GEMIN8: variants seen among roughly 807,000 people sequenced by gnomAD.
GEMIN8 encodes gem nuclear organelle associated protein 8, also known as gem-associated protein 8.
For synonymous variants in GEMIN8, 80 were observed against 78.5 expected (o/e 1.02, Z -0.10); for missense variants, 185 against 205.9 (o/e 0.90, Z 0.62).
In GEMIN8 at chrX:14,021,814, G is replaced by GTATATATATATATATATA. The variant is rs147147045; in HGVS notation, c.-33-321_-33-304dup. Among the ~76,000 whole-genome samples, 104 of 78,224 alleles carry GTATATATATATATATATA rather than the reference G, an allele frequency of 1.3e-3. 2 individuals are homozygous for GTATATATATATATATATA. Among genetic ancestry groups the GTATATATATATATATATA allele is most frequent in the African/African-American group, 5.2e-3 (101 of 19,239 alleles). 67.9% of individuals were successfully genotyped at this position (78,224 alleles called of 115,157 possible). A position where few individuals can be genotyped will look rare whatever the true frequency, so the allele number is the denominator to read the frequency against. Reference sequence around the variant, plus strand: ...TAAATATTTAGTAGTTAATGTGTGTGTATATATATATATATATATATATAT... The same window carrying GTATATATATATATATATA: ...TAAATATTTAGTAGTTAATGTGTGTGTATATATATATATATATATATATATATATATATATATATATAT... On this transcript the variant is annotated intron_variant, in intron 2 of 4. Coordinates refer to ENST00000680255, the MANE Select transcript of GEMIN8 (RefSeq NM_001042479.2).
chrX:14,020,315 G>T lies in GEMIN8; in HGVS notation c.235C>A (p.His79Asn). Residue 79 changes from histidine (H) to asparagine (N), a missense_variant, in exon 4 of 5, where the codon CAT becomes AAT. Coordinates refer to ENST00000680255, the MANE Select transcript of GEMIN8 (RefSeq NM_001042479.2). ...EAAYPQSFYD[H>N]HVAWQDYPCS... ...GGGTAGTCCTGCCAGGCCACATGAT[G>T]GTCATAGAAGGACTGAGGATACGCA... 1 of 1,206,768 alleles carries T rather than the reference G, an allele frequency of 8.3e-7. No homozygotes were observed. Among genetic ancestry groups the T allele is most frequent in the Non-Finnish European group, 1.1e-6 (1 of 890,894 alleles).
At chrX:14,005,428 A>G (rs1163118207), downstream of GEMIN8, among the ~76,000 whole-genome samples, 1 of 112,012 alleles carries the variant, frequency 8.9e-6, no homozygotes. Context: ...TGGATTGCTG[A>G]ACATGTGGAG....
Position 14,009,043 on chromosome X carries a change from T to C in GEMIN8, c.599A>G (p.Glu200Gly). 5 of 1,211,937 alleles carry C rather than the reference T, an allele frequency of 4.1e-6. No individual in the cohort carries two copies. The highest frequency in any genetic ancestry group is 5.6e-6 in the Non-Finnish European group (5 of 895,458). ...ACTGTCCCCGTACAAACGCTTCATC[T>C]CGGCCTGGCGCCGCTCACCAGGCCT... is the stretch of plus-strand genomic sequence containing the variant. ...TERPGERRQA[E>G]MKRLYGDSAA... Residue 200 changes from glutamate to glycine, a missense_variant, in exon 5 of 5, where the codon GAG (glutamate) becomes GGG (glycine). By Grantham distance (98) the Glu-to-Gly change is moderately conservative. Coordinates refer to ENST00000680255, the MANE Select transcript of GEMIN8 (RefSeq NM_001042479.2).
At chrX:14,028,635 A>T (rs186213529) in intron 1 of GEMIN8, among the ~76,000 whole-genome samples, 1 of 111,234 alleles carries the variant, frequency 9.0e-6, no homozygotes, top group East Asian at 2.8e-4. Flanking sequence ...AAAACCCAAA[A>T]TGATTAATCA....
the GEMIN8 span, among the ~76,000 whole-genome samples, chrX:13,989,933 G>T: frequency 3.6e-5 from 4 of 112,023 alleles, no homozygotes; most frequent in African/African-American, 1.3e-4. Context: ...TGACACATGT[G>T]GTACAAGTCT....
intron 1 of GEMIN8, among the ~76,000 whole-genome samples, chrX:14,028,255 T>G (rs867479776): frequency 5.4e-5 from 6 of 111,589 alleles, no homozygotes; most frequent in South Asian, 3.8e-4. Flanking sequence ...TAATATTTCA[T>G]GCTCTTAGAT....
At chrX:13,992,261 C>A in the GEMIN8 span, among the ~76,000 whole-genome samples, 2 of 112,310 alleles carry the variant, frequency 1.8e-5, no homozygotes, top group African/African-American at 6.5e-5. Flanking sequence ...CTCTCAGAGG[C>A]CACCATTTTC....
the GEMIN8 span, among the ~76,000 whole-genome samples, chrX:13,998,154 C>T: frequency 9.4e-6 from 1 of 106,360 alleles, no homozygotes; most frequent in Non-Finnish European, 1.9e-5. Flanking sequence ...CGGCTCTCTG[C>T]AGCTTGACTT....
At chrX:14,021,585 G>T in intron 2 of GEMIN8, 74 bp from the exon 3 acceptor site, 1 of 708,369 alleles carries the variant, frequency 1.4e-6, no homozygotes, top group Non-Finnish European at 2.2e-6. Flanking sequence ...TCTATGGTTT[G>T]TGAGGCAGCT....
At chrX:14,028,902 A>G (rs1292815686) in intron 1 of GEMIN8, among the ~76,000 whole-genome samples, 4 of 112,323 alleles carry the variant, frequency 3.6e-5, no homozygotes, top group African/African-American at 1.3e-4. Context: ...TCATCCTACA[A>G]TTCATGGGGG....
intron 1 of GEMIN8, among the ~76,000 whole-genome samples, chrX:14,028,831 CAA>C (rs1355015444): frequency 8.9e-6 from 1 of 112,076 alleles, no homozygotes; most frequent in Non-Finnish European, 1.9e-5. Context: ...ATTGAAATTA[CAA>C]AGAGACTGTT....
intron 4 of GEMIN8, chrX:14,013,921 T>C: frequency 1.4e-6 from 1 of 719,691 alleles, no homozygotes; most frequent in South Asian, 7.1e-5. Context: ...AAAGCTTTAC[T>C]GGATTCCATC....
At chrX:14,015,124 A>T (rs1360469924) in intron 4 of GEMIN8, among the ~76,000 whole-genome samples, 5 of 111,802 alleles carry the variant, frequency 4.5e-5, no homozygotes, top group African/African-American at 1.6e-4. Context: ...TAGGTCATAA[A>T]TACCTGATTG....
chrX:14,019,772 A>G (rs7065577), intron 4 of GEMIN8, among the ~76,000 whole-genome samples: 30,921 of 99,179 alleles, frequency 0.31, 3,257 homozygotes, highest in African/African-American at 0.35. Flanking sequence ...AGATCAGAGC[A>G]CGCACACACA....
chrX:13,997,371 C>T, the GEMIN8 span, among the ~76,000 whole-genome samples: 1 of 111,297 alleles, frequency 9.0e-6, no homozygotes, highest in Non-Finnish European at 1.9e-5. Flanking sequence ...ACAGCCAGCT[C>T]CAAACCCCAG....
intron 1 of GEMIN8, among the ~76,000 whole-genome samples, chrX:14,028,594 G>C (rs753204525): frequency 2.1e-4 from 22 of 105,854 alleles, no homozygotes; most frequent in Admixed American, 1.2e-3. Flanking sequence ...ACTTTCCCCC[G>C]TCATTCTCAT....
chrX:14,018,599 T>C (rs1924086747), intron 4 of GEMIN8, among the ~76,000 whole-genome samples: 1 of 112,141 alleles, frequency 8.9e-6, no homozygotes, highest in Non-Finnish European at 1.9e-5. Context: ...ATTTGTTGTA[T>C]ATATTAGACT....
At chrX:14,028,784 A>G (rs1182015710) in intron 1 of GEMIN8, among the ~76,000 whole-genome samples, 1 of 112,471 alleles carries the variant, frequency 8.9e-6, no homozygotes, top group African/African-American at 3.2e-5. Flanking sequence ...CCAAGTTACT[A>G]ACCAGCAGTC....
Position 14,020,419 on chromosome X carries a change from T to G in GEMIN8, c.131A>C (p.Lys44Thr). ...WMQSHHNAYRKAVESCFNLPW... is the reference protein window; with the variant it reads ...WMQSHHNAYRTAVESCFNLPW... Reference sequence around the variant, plus strand: ...AAGATTGAAACAGGATTCCACGGCCTTCCTGTAGGCATTGTGATGGCTTTG... The same window carrying G: ...AAGATTGAAACAGGATTCCACGGCCGTCCTGTAGGCATTGTGATGGCTTTG... The change falls in exon 4 of 5, where the codon AAG (lysine) becomes ACG (threonine). Residue 44 changes from lysine (K) to threonine (T), a missense_variant. By Grantham distance (78) the Lys-to-Thr change is moderately conservative. Transcript: ENST00000680255. 8.3e-7 allele frequency: 1 copy of G among 1,204,840 alleles called. No homozygotes were observed. Among genetic ancestry groups the G allele is most frequent in the Non-Finnish European group, 1.1e-6 (1 of 889,030 alleles).
Sources: gnomAD v4.1 joint callset for allele counts (sites outside exome capture counted in the v4.1 genomes callset) on GRCh38, gnomAD v4.1.1 for gene constraint, MANE v1.5 for transcripts, NCBI Gene and HGNC (gene_info 2026-07-23, HGNC 2026-07-21) for gene names.